Variants in ATP2B2 observed in about 807,000 individuals in gnomAD.
ATP2B2 encodes ATPase plasma membrane Ca2+ transporting 2.
A neutral mutation model predicts 120.0 loss-of-function variants in ATP2B2; 15 were observed. The ratio of observed to expected loss-of-function variants is 0.12; its 90% confidence interval spans 0.08 to 0.19. The LOEUF is 0.19. ATP2B2 is among the 10% of genes least tolerant of loss of function. The pLI, the probability that ATP2B2 is intolerant of heterozygous loss-of-function variation, is 1.00. For synonymous variants in ATP2B2, 694 were observed against 700.3 expected, an observed-to-expected ratio of 0.99 and a Z score of 0.14; for missense variants, 1,045 against 1,719.8, an observed-to-expected ratio of 0.61 and a Z score of 6.94.
At chr3:10,445,411 G>A (rs1356278757) in intron 2 of ATP2B2, among the ~76,000 whole-genome samples, 1 of 150,982 alleles carries the variant, frequency 6.6e-6, no homozygotes, top group African/African-American at 2.5e-5. Context: ...GTAGAGGTAA[G>A]AAGATAAAGG....
chr3:10,545,120 A>G (rs557898158), intron 2 of ATP2B2, among the ~76,000 whole-genome samples: 1 of 152,374 alleles, frequency 6.6e-6, no homozygotes, highest in African/African-American at 2.4e-5. Context: ...CCAGTAGAAG[A>G]AAGTCGGAAA....
chr3:10,681,787 G>A (rs1233461543), intron 1 of ATP2B2, among the ~76,000 whole-genome samples: 3 of 152,206 alleles, frequency 2.0e-5, no homozygotes, highest in African/African-American at 4.8e-5. Context: ...TCTAAGTCGT[G>A]CAGCTAGTAA....
chr3:10,444,608 G>C (rs1303091745), intron 2 of ATP2B2, among the ~76,000 whole-genome samples: 1 of 152,084 alleles, frequency 6.6e-6, no homozygotes, highest in Non-Finnish European at 1.5e-5. Context: ...CCCCATCTTT[G>C]TCCCCCTTAT....
intron 2 of ATP2B2, among the ~76,000 whole-genome samples, chr3:10,596,118 A>G (rs755852118): frequency 6.6e-6 from 1 of 152,152 alleles, no homozygotes; most frequent in Non-Finnish European, 1.5e-5. Flanking sequence ...GCCTCTGTTC[A>G]CTAAACCACA....
chr3:10,705,226 C>T (rs2071878206), intron 1 of ATP2B2, among the ~76,000 whole-genome samples: 1 of 152,222 alleles, frequency 6.6e-6, no homozygotes, highest in African/African-American at 2.4e-5. Flanking sequence ...TCAGAACTTA[C>T]CATGTCCCAT....
intron 22 of ATP2B2, 83 bp downstream of exon 22, chr3:10,338,093 G>A (rs1348411341): frequency 1.3e-6 from 2 of 1,574,620 alleles, no homozygotes; most frequent in Non-Finnish European, 1.7e-6. Context: ...GCTGGGCCCT[G>A]GGGGGCAGCA....
chr3:10,412,902 T>C (rs1001783698), intron 2 of ATP2B2, among the ~76,000 whole-genome samples: 1 of 152,140 alleles, frequency 6.6e-6, no homozygotes, highest in African/African-American at 2.4e-5. Flanking sequence ...TTCTTGTGTC[T>C]TAGTGAGGAC....
intron 18 of ATP2B2, among the ~76,000 whole-genome samples, chr3:10,344,865 C>T (rs960235157): frequency 2.0e-5 from 3 of 152,196 alleles, no homozygotes; most frequent in African/African-American, 7.2e-5. Context: ...GGCCAGACTC[C>T]TCTGTGACCT....
chr3:10,499,059 C>T (rs1440121440), intron 1 of ATP2B2, among the ~76,000 whole-genome samples: 2 of 152,202 alleles, frequency 1.3e-5, no homozygotes, highest in African/African-American at 2.4e-5. Flanking sequence ...AGCAAAGCTA[C>T]CTGCCCAAGG....
intron 18 of ATP2B2, among the ~76,000 whole-genome samples, chr3:10,344,904 CCA>C (rs2060386701): frequency 6.6e-6 from 1 of 152,194 alleles, no homozygotes; most frequent in Non-Finnish European, 1.5e-5. Flanking sequence ...CCGACTCCCT[CCA>C]GTTATCCCCA....
intron 1 of ATP2B2, among the ~76,000 whole-genome samples, chr3:10,627,864 C>T (rs1269715901): frequency 1.3e-5 from 2 of 152,080 alleles, no homozygotes; most frequent in African/African-American, 4.8e-5. Context: ...TAGGAAATGT[C>T]ACCTGAGATA....
intron 6 of ATP2B2, among the ~76,000 whole-genome samples, 185 bp from the exon 7 acceptor site, chr3:10,386,697 G>C (rs980757049): frequency 2.6e-5 from 4 of 152,308 alleles, no homozygotes; most frequent in Admixed American, 1.3e-4. Context: ...TGGGATGGGA[G>C]GGCAGAGGGG....
At chr3:10,592,983 T>C (rs565406167) in intron 2 of ATP2B2, among the ~76,000 whole-genome samples, 7 of 152,212 alleles carry the variant, frequency 4.6e-5, no homozygotes, top group African/African-American at 1.4e-4. Flanking sequence ...ATGAGGTTTT[T>C]CCATGTTGCC....
At chr3:10,521,268 C>G (rs1353345560) in intron 3 of ATP2B2, among the ~76,000 whole-genome samples, 2 of 152,208 alleles carry the variant, frequency 1.3e-5, no homozygotes, top group Non-Finnish European at 2.9e-5. Flanking sequence ...TCCTACCACT[C>G]AAGAATTTAG....
In ATP2B2 at chr3:10,350,119, C is replaced by T. The variant is rs367802082; in HGVS notation, c.2397G>A (p.Leu799=). The T allele has an allele frequency of 3.1e-5, 50 of 1,613,746 alleles. No homozygotes were observed. In the Admixed American group the frequency reaches 6.2e-4, roughly 20 times the overall value. Residue 799 remains leucine (L), a synonymous_variant, in exon 16 of 23, where the codon CTG becomes CTA. Coordinates refer to ENST00000360273, the MANE Select transcript of ATP2B2 (RefSeq NM_001001331.4). ...ARSSPTDKHT[L]VKGIIDSTHT... ...TGCCCGCCCAAGTCTTACCTTTAAC[C>T]AGGGTATGCTTGTCCGTTGGGGAGG...
intron 3 of ATP2B2, among the ~76,000 whole-genome samples, chr3:10,521,707 T>G (rs909773867): frequency 1.3e-5 from 2 of 152,242 alleles, no homozygotes; most frequent in African/African-American, 2.4e-5. Flanking sequence ...ACAAGTTGAT[T>G]GTGAACTCCT....
intron 2 of ATP2B2, among the ~76,000 whole-genome samples, chr3:10,424,431 A>AGACTT (rs1575185929): frequency 6.6e-6 from 1 of 152,338 alleles, no homozygotes; most frequent in Admixed American, 6.5e-5. Flanking sequence ...CTATAAACAG[A>AGACTT]GACTTGGCAA....
intron 1 of ATP2B2, among the ~76,000 whole-genome samples, chr3:10,647,563 C>T (rs1484550312): frequency 6.6e-6 from 1 of 152,024 alleles, no homozygotes; most frequent in Non-Finnish European, 1.5e-5. Flanking sequence ...GAGGAGGGTC[C>T]CCTGTATCTG....
At chr3:10,600,877 T>TGG (rs2068890344) in intron 2 of ATP2B2, among the ~76,000 whole-genome samples, 1 of 152,020 alleles carries the variant, frequency 6.6e-6, no homozygotes, top group Non-Finnish European at 1.5e-5. Context: ...AGAAAACACA[T>TGG]GGCGGTCAGG....
Sources: gnomAD v4.1 joint callset for allele counts (sites outside exome capture counted in the v4.1 genomes callset) on GRCh38, gnomAD v4.1.1 for gene constraint, MANE v1.5 for transcripts, NCBI Gene and HGNC (gene_info 2026-07-23, HGNC 2026-07-21) for gene names.